Variants in TPH2 observed in about 807,000 individuals in gnomAD.
TPH2 encodes the protein tryptophan hydroxylase 2, also known as tryptophan 5-hydroxylase 2.
TPH2 carries 27 observed loss-of-function variants against 59.1 expected under a neutral mutation model. That is an observed-to-expected ratio of 0.46 (90% confidence interval 0.34 to 0.63). TPH2 has a LOEUF of 0.63. Among genes scored for constraint, TPH2 ranks in the 30% least tolerant of loss-of-function variants. TPH2 has a pLI of 0.01. For missense variants in TPH2, 523 were observed against 588.3 expected, an observed-to-expected ratio of 0.89 and a Z score of 1.15; for synonymous variants, 220 against 210.5, an observed-to-expected ratio of 1.05 and a Z score of -0.39.
chr12:72,017,945 C>T (rs1255094242), intron 8 of TPH2, among the ~76,000 whole-genome samples: 1 of 152,130 alleles, frequency 6.6e-6, no homozygotes, highest in Non-Finnish European at 1.5e-5. Flanking sequence ...GAGGTCTTCA[C>T]CAGTATTGAA....
chr12:71,953,365 G>A (rs1004833741), intron 5 of TPH2, among the ~76,000 whole-genome samples: 30 of 152,036 alleles, frequency 2.0e-4, no homozygotes, highest in African/African-American at 6.5e-4. Context: ...TGAGTTTGAG[G>A]ATGGATAAGA....
At chr12:71,995,767 G>C (rs1216468460) in intron 8 of TPH2, among the ~76,000 whole-genome samples, 2 of 152,084 alleles carry the variant, frequency 1.3e-5, no homozygotes, top group African/African-American at 2.4e-5. Context: ...TGTGTTGCTA[G>C]AGATCTCCTA....
At chr12:72,006,900 G>A (rs1293261731) in intron 8 of TPH2, among the ~76,000 whole-genome samples, 1 of 152,056 alleles carries the variant, frequency 6.6e-6, no homozygotes, top group Non-Finnish European at 1.5e-5. Context: ...AAGCTGCTTA[G>A]CACAGTGCTA....
intron 8 of TPH2, among the ~76,000 whole-genome samples, chr12:72,019,578 C>A (rs1873352999): frequency 6.6e-6 from 1 of 152,202 alleles, no homozygotes; most frequent in Admixed American, 6.5e-5. Flanking sequence ...AAAATAGTCA[C>A]ATTCCCTGCT....
intron 1 of TPH2, among the ~76,000 whole-genome samples, chr12:71,941,294 C>G (rs939721954): frequency 2.6e-5 from 4 of 152,040 alleles, no homozygotes; most frequent in Admixed American, 2.0e-4. Context: ...TATGATATTG[C>G]AGGCGTTACG....
At chr12:72,022,592 C>T in intron 9 of TPH2, 98 bp downstream of exon 9, 1 of 977,568 alleles carries the variant, frequency 1.0e-6, no homozygotes, top group South Asian at 1.3e-5. Context: ...CTCACAGATA[C>T]TCCATAAATA....
intron 8 of TPH2, among the ~76,000 whole-genome samples, chr12:72,007,261 T>C (rs986481130): frequency 2.0e-5 from 3 of 152,084 alleles, no homozygotes; most frequent in African/African-American, 7.2e-5. Context: ...CCCCCGAGCA[T>C]AGAGAAAGGC....
intron 7 of TPH2, among the ~76,000 whole-genome samples, chr12:71,984,285 A>G (rs1872370314): frequency 6.6e-6 from 1 of 152,224 alleles, no homozygotes; most frequent in African/African-American, 2.4e-5. Context: ...GTTTAATTTT[A>G]TAAGAAAAAT....
intron 8 of TPH2, among the ~76,000 whole-genome samples, chr12:71,997,208 T>C (rs1457184345): frequency 6.6e-6 from 1 of 152,176 alleles, no homozygotes; most frequent in Non-Finnish European, 1.5e-5. Context: ...ATCTTGTTTC[T>C]GTCATCACAT....
chr12:71,968,974 C>G (rs1247490332), intron 5 of TPH2, among the ~76,000 whole-genome samples: 1 of 152,158 alleles, frequency 6.6e-6, no homozygotes, highest in Non-Finnish European at 1.5e-5. Flanking sequence ...TACATTACAA[C>G]ATAGGCCCAT....
chr12:72,022,529 C>A, intron 9 of TPH2, 35 bp downstream of exon 9: 4 of 1,424,476 alleles, frequency 2.8e-6, no homozygotes, highest in Non-Finnish European at 4.0e-6. Context: ...CCTTCCCATG[C>A]AAACTGGTTC....
chr12:71,976,636 C>A (rs1872128114), intron 6 of TPH2, among the ~76,000 whole-genome samples: 1 of 152,112 alleles, frequency 6.6e-6, no homozygotes, highest in Non-Finnish European at 1.5e-5. Context: ...TTTTGATATT[C>A]ACCGGGGAAT....
chr12:71,938,958 T>G lies in TPH2; in HGVS notation c.-29T>G, dbSNP rs963468740. ...CTACTGCCCCTCTAGTACCCCCTGC[T>G]GCAGAGAAAGAATATTACACCGGGA... is the stretch of plus-strand genomic sequence containing the variant. On this transcript the variant is annotated 5_prime_UTR_variant, in exon 1 of 11. Transcript: ENST00000333850. 4.4e-6 allele frequency: 7 copies of G among 1,587,706 alleles called. No homozygotes were observed. Among genetic ancestry groups the G allele is most frequent in the Non-Finnish European group, 5.2e-6 (6 of 1,156,222 alleles).
intron 8 of TPH2, among the ~76,000 whole-genome samples, chr12:72,013,255 T>A (rs780719975): frequency 2.6e-5 from 4 of 152,236 alleles, no homozygotes; most frequent in African/African-American, 9.6e-5. Flanking sequence ...CAATTCAGTG[T>A]CATCTTTTTC....
At chr12:72,005,853 T>C (rs778506424) in intron 8 of TPH2, among the ~76,000 whole-genome samples, 3 of 152,186 alleles carry the variant, frequency 2.0e-5, no homozygotes, top group Non-Finnish European at 4.4e-5. Flanking sequence ...AAATTTTCCT[T>C]TAGTTCTGTC....
Position 71,941,661 on chromosome 12 carries a change from T to C in TPH2, c.183T>C (p.Ser61=). The part of the protein sequence containing the change: ...GSSKREAATE[S]GKTAVVFSLK... ...GCAAACGTGAAGCTGCTACCGAAAG[T>C]GGCAAGACAGCAGTTGTTTTCTCCT... Residue 61 remains serine, a synonymous_variant, in exon 2 of 11, where the codon AGT becomes AGC. Coordinates refer to ENST00000333850, the MANE Select transcript of TPH2 (RefSeq NM_173353.4). 1 of 1,614,114 alleles carries C rather than the reference T, an allele frequency of 6.2e-7. No homozygotes were observed. Among genetic ancestry groups the C allele is most frequent in the South Asian group, 1.1e-5 (1 of 91,080 alleles).
chr12:71,960,430 A>C (rs1002346441), intron 5 of TPH2, among the ~76,000 whole-genome samples: 1 of 152,236 alleles, frequency 6.6e-6, no homozygotes, highest in African/African-American at 2.4e-5. Context: ...TGAAATGCAC[A>C]GTTCTTATAA....
At chr12:71,956,419 T>C (rs1379019162) in intron 5 of TPH2, among the ~76,000 whole-genome samples, 2 of 138,842 alleles carry the variant, frequency 1.4e-5, no homozygotes, top group Admixed American at 7.5e-5. Context: ...TCCTTCCCTC[T>C]CTCCCTCCCT....
At chr12:71,975,311 C>A (rs1872085272) in intron 6 of TPH2, among the ~76,000 whole-genome samples, 1 of 152,198 alleles carries the variant, frequency 6.6e-6, no homozygotes, top group Non-Finnish European at 1.5e-5. Context: ...CGCCACTGCA[C>A]TCCAGCCTGG....
Sources: allele counts gnomAD v4.1 joint callset (sites outside exome capture counted in the v4.1 genomes callset), GRCh38; gene constraint gnomAD v4.1.1; transcripts MANE v1.5; gene names NCBI Gene and HGNC (gene_info 2026-07-23, HGNC 2026-07-21).